Variants in ARCN1 observed in about 807,000 individuals in gnomAD.
ARCN1 encodes the protein archain 1 coat protein complex I subunit delta.
A neutral mutation model predicts 60.4 loss-of-function variants in ARCN1; 5 were observed. The observed-to-expected ratio is 0.08, with a 90% CI of 0.04 to 0.17. The LOEUF (loss-of-function observed/expected upper bound fraction) is 0.17. ARCN1 is among the 10% of genes least tolerant of loss of function. ARCN1 has a pLI of 1.00. For missense variants in ARCN1, 464 were observed against 626.5 expected (o/e 0.74, Z 2.77); for synonymous variants, 224 against 220.0 (o/e 1.02, Z -0.16).
At chr11:118,596,427 C>T (rs1407028136) in intron 8 of ARCN1, among the ~76,000 whole-genome samples, 1 of 152,108 alleles carries the variant, frequency 6.6e-6, no homozygotes, top group Non-Finnish European at 1.5e-5. Context: ...GCAATGGTCT[C>T]CAGAAGAGAC....
rs1361432735 is a variant in ARCN1, at chr11:118,581,925, G to GACACACACACACACACACAC, written c.267+419_267+420insCACACACACACACACACACA. Among the ~76,000 whole-genome samples, 540 of 121,018 alleles carry GACACACACACACACACACAC rather than the reference G, an allele frequency of 4.5e-3. 7 individuals carry two copies. Among genetic ancestry groups the GACACACACACACACACACAC allele is most frequent in the Non-Finnish European group, 6.7e-3 (379 of 56,290 alleles). The allele number at this position is 121,018 out of a possible 152,430, so 79.4% of individuals were successfully genotyped here. A position where few individuals can be genotyped will look rare whatever the true frequency, so the allele number is the denominator to read the frequency against. ...GGTAAGACTTACTGATCCAGAGACA[G>GACACACACACACACACACAC]ACAGACAGACAGACACACACACACA... is the stretch of plus-strand genomic sequence containing the variant. On this transcript the variant is annotated intron_variant, in intron 2 of 9. Coordinates refer to ENST00000264028, the MANE Select transcript of ARCN1 (RefSeq NM_001655.5).
intron 8 of ARCN1, among the ~76,000 whole-genome samples, chr11:118,596,198 C>G (rs1438383084): frequency 6.6e-6 from 1 of 152,066 alleles, no homozygotes; most frequent in African/African-American, 2.4e-5. Context: ...TACCAGTATC[C>G]CCTTTAATGG....
intron 5 of ARCN1, among the ~76,000 whole-genome samples, chr11:118,589,306 A>T (rs1051702446): frequency 6.6e-6 from 1 of 152,256 alleles, no homozygotes; most frequent in Non-Finnish European, 1.5e-5. Context: ...AAAAGGGTAT[A>T]TATGTCTTCC....
Position 118,574,092 on chromosome 11 carries a change from C to T in ARCN1, c.3+1542C>T, listed in dbSNP as rs144538427. Among the ~76,000 whole-genome samples, 143 of 152,164 alleles carry T rather than the reference C, an allele frequency of 9.4e-4. 4 individuals carry two copies. The East Asian group carries it at 0.012, about 13-fold the overall frequency. On this transcript the variant is annotated intron_variant, in intron 1 of 9. Coordinates refer to ENST00000264028, the MANE Select transcript of ARCN1 (RefSeq NM_001655.5). ...ATAACTGAGGGATGGTAAAGCCCTA[C>T]GTGATATATATAAAATATAACTTTT...
intron 1 of ARCN1, among the ~76,000 whole-genome samples, chr11:118,580,450 T>G (rs1555074382): frequency 6.6e-6 from 1 of 152,212 alleles, no homozygotes. Context: ...ACAATTATTT[T>G]AGTTCAATAT....
chr11:118,602,156 A>G lies in ARCN1; in HGVS notation c.*1442A>G, dbSNP rs1385174025. ...TTTCAGGAGGCAACTGATTGTTTCG[A>G]TATGTACATATTACTCACGTATACC... is the stretch of plus-strand genomic sequence containing the variant. On this transcript the variant is annotated 3_prime_UTR_variant, in exon 10 of 10. Transcript: ENST00000264028. 1 of 190,342 alleles carries G rather than the reference A, an allele frequency of 5.3e-6. No homozygotes were observed. The allele number at this position is 190,342 out of a possible 1,614,324, so 11.8% of individuals were successfully genotyped here. A position where few individuals can be genotyped will look rare whatever the true frequency, so the allele number is the denominator to read the frequency against.
At chr11:118,593,295 C>G (rs564215572) in intron 7 of ARCN1, among the ~76,000 whole-genome samples, 23 of 152,020 alleles carry the variant, frequency 1.5e-4, no homozygotes, top group Non-Finnish European at 2.2e-4. Context: ...GTGGTGTGAT[C>G]ATGGCTCATT....
chr11:118,578,164 AAAATAAATAAATAAATAAATAAATAAAT>A (rs10608266), intron 1 of ARCN1, among the ~76,000 whole-genome samples: 1 of 141,544 alleles, frequency 7.1e-6, no homozygotes, highest in Non-Finnish European at 1.5e-5. Context: ...ACTCTCTCAA[AAAATAAATAAATAAATAAATAAATAAAT>A]AAATAAATAA....
intron 9 of ARCN1, 85 bp from the exon 10 acceptor site, chr11:118,600,540 T>C: frequency 1.2e-6 from 1 of 851,770 alleles, no homozygotes; most frequent in Non-Finnish European, 1.8e-6. Context: ...TTTAGGGAAA[T>C]TGATATGTTC....
chr11:118,598,071 C>T (rs1415514234), intron 9 of ARCN1, among the ~76,000 whole-genome samples, 160 bp downstream of exon 9: 1 of 152,082 alleles, frequency 6.6e-6, no homozygotes, highest in Non-Finnish European at 1.5e-5. Flanking sequence ...ATTGTATGAT[C>T]GTGGTCAAAT....
chr11:118,585,040 A>G (rs976038277), intron 5 of ARCN1, among the ~76,000 whole-genome samples: 2 of 151,852 alleles, frequency 1.3e-5, no homozygotes, highest in African/African-American at 4.8e-5. Flanking sequence ...GTTAGCCAGA[A>G]TGGTCTCGAT....
rs932857719 is a variant in ARCN1 at position 118,598,472 on chromosome 11, T to C, written c.1446+561T>C. 1.3e-4 allele frequency among the ~76,000 whole-genome samples: 20 copies of C among 151,148 alleles called. 1 individual carries two copies. In the South Asian group the frequency reaches 4.2e-3, roughly 32 times the overall value. Reference sequence around the variant, plus strand: ...AGGTAGGCAAAGCAATGGAGATGTGTGAGCTGTTCCTTCGGATTTTTTTTT... The same window carrying C: ...AGGTAGGCAAAGCAATGGAGATGTGCGAGCTGTTCCTTCGGATTTTTTTTT... On this transcript the variant is annotated intron_variant, in intron 9 of 9. Transcript: ENST00000264028.
In ARCN1 at chr11:118,600,862, G is replaced by A. The variant is rs79329602; in HGVS notation, c.*148G>A. On this transcript the variant is annotated 3_prime_UTR_variant, in exon 10 of 10. Coordinates refer to ENST00000264028, the MANE Select transcript of ARCN1 (RefSeq NM_001655.5). ...CGATTCTCTGCGCGCAAGGACCCTC[G>A]ACTCACCCCCATGTTTCAGTGTCAC... 2.6e-3 allele frequency: 1,379 copies of A among 528,772 alleles called. 24 individuals are homozygous for A. In the East Asian group the frequency reaches 0.038, roughly 15 times the overall value. 32.8% of individuals were successfully genotyped at this position (528,772 alleles called of 1,614,324 possible).
chr11:118,593,698 C>T lies in ARCN1; in HGVS notation c.1241C>T (p.Pro414Leu), dbSNP rs1555076703. 9 of 1,598,758 alleles carry T rather than the reference C, an allele frequency of 5.6e-6. No homozygotes were observed. Among genetic ancestry groups the T allele is most frequent in the East Asian group, 2.2e-5 (1 of 44,766 alleles). The change falls in exon 8 of 10, where the codon CCG (proline) becomes CTG (leucine). Residue 414 changes from proline (P) to leucine (L), a missense_variant and splice_region_variant. By Grantham distance (98) the Pro-to-Leu change is moderately conservative. Transcript: ENST00000264028. ...LNDVVITIPLPSGVGAPVIGE... is the reference protein window; with the variant it reads ...LNDVVITIPLLSGVGAPVIGE... ...GATGTGGTTATCACCATCCCACTCC[C>T]GTAAGTGCTGTCCCTGTGTCCTCTA...
At chr11:118,581,058 TGTA>T in intron 1 of ARCN1, among the ~76,000 whole-genome samples, 185 bp from the exon 2 acceptor site, 1 of 152,268 alleles carries the variant, frequency 6.6e-6, no homozygotes, top group African/African-American at 2.4e-5. Flanking sequence ...AGTTTGAGGT[TGTA>T]GTGAGCTGTG....
chr11:118,576,195 T>G (rs1555073517), intron 1 of ARCN1, among the ~76,000 whole-genome samples: 2 of 152,058 alleles, frequency 1.3e-5, no homozygotes, highest in African/African-American at 4.8e-5. Context: ...ATTCATGTAG[T>G]TAAGTCTGTG....
rs782170049 is a variant in ARCN1, at chr11:118,581,524, A to G, written c.267+15A>G. ...TCTCAAGAGTGGTAAGAGTACTGCT[A>G]TAATACTGGGTTCCACTTTTTGTTT... On this transcript the variant is annotated intron_variant, in intron 2 of 9. Transcript: ENST00000264028. The G allele has an allele frequency of 5.0e-6, 8 of 1,587,412 alleles. No individual in the cohort carries two copies. Among genetic ancestry groups the G allele is most frequent in the African/African-American group, 1.4e-5 (1 of 73,616 alleles).
At position 118,575,528 on chromosome 11, in the gene ARCN1, G is replaced by A. The variant is rs144756426; in HGVS notation, c.3+2978G>A. On this transcript the variant is annotated intron_variant, in intron 1 of 9. Transcript: ENST00000264028. ...AATTACTTTTCAAGTTTTAGGTTTCGTATGTGGTCTACATTTTATTGTAAT... is the reference window on the plus strand; with the variant it reads ...AATTACTTTTCAAGTTTTAGGTTTCATATGTGGTCTACATTTTATTGTAAT... 1.2e-3 allele frequency among the ~76,000 whole-genome samples: 179 copies of A among 152,040 alleles called. 4 individuals carry two copies. The East Asian group carries it at 0.015, about 13-fold the overall frequency.
intron 5 of ARCN1, among the ~76,000 whole-genome samples, chr11:118,588,783 C>T (rs1163140273): frequency 4.0e-5 from 6 of 151,890 alleles, no homozygotes; most frequent in East Asian, 1.9e-4. Flanking sequence ...TTCGGGAGGC[C>T]GAGGCAGGCA....
Sources: gnomAD v4.1 joint callset for allele counts (sites outside exome capture counted in the v4.1 genomes callset) on GRCh38, gnomAD v4.1.1 for gene constraint, MANE v1.5 for transcripts, NCBI Gene and HGNC (gene_info 2026-07-23, HGNC 2026-07-21) for gene names.